MOSPD2: variants seen among roughly 807,000 people sequenced by gnomAD.
MOSPD2 encodes the protein motile sperm domain-containing protein 2.
In MOSPD2, 5 loss-of-function variants were observed where a neutral mutation model predicts 41.7. The observed-to-expected ratio is 0.12, with a 90% CI of 0.06 to 0.25. The LOEUF is 0.25. Among genes scored for constraint, MOSPD2 ranks in the 10% least tolerant of loss-of-function variants. The pLI is 1.00. For missense variants in MOSPD2, 282 were observed against 375.2 expected, an observed-to-expected ratio of 0.75 and a Z score of 2.05; for synonymous variants, 115 against 126.9, an observed-to-expected ratio of 0.91 and a Z score of 0.63.
chrX:14,886,517 A>G (rs961779474), intron 2 of MOSPD2, among the ~76,000 whole-genome samples: 1 of 108,192 alleles, frequency 9.2e-6, no homozygotes, highest in Non-Finnish European at 1.9e-5. Context: ...ACACATACAC[A>G]CACACACACA....
Position 14,922,115 on chromosome X carries a change from T to G in MOSPD2, c.*2306T>G, listed in dbSNP as rs1348012279. ...AATTTTGACTGGATTTAATAGCACT[T>G]TATTGTACAACTACAAAAAAAAATA... is the stretch of plus-strand genomic sequence containing the variant. On this transcript the variant is annotated 3_prime_UTR_variant, in exon 15 of 15. Coordinates refer to ENST00000380492, the MANE Select transcript of MOSPD2 (RefSeq NM_152581.4). 4.5e-5 allele frequency: 5 copies of G among 111,382 alleles called. No individual in the cohort carries two copies. The highest frequency in any genetic ancestry group is 1.9e-4 in the Admixed American group (2 of 10,453). The allele number at this position is 111,382 out of a possible 1,213,427, so 9.2% of individuals were successfully genotyped here. A position where few individuals can be genotyped will look rare whatever the true frequency, so the allele number is the denominator to read the frequency against.
At position 14,892,759 on chromosome X, in the gene MOSPD2, G is replaced by A; in HGVS notation, c.116G>A (p.Arg39Lys). The A allele has an allele frequency of 8.3e-7, 1 of 1,201,932 alleles. No homozygotes were observed. The highest frequency in any genetic ancestry group is 1.1e-6 in the Non-Finnish European group (1 of 887,368). Residue 39 changes from arginine to lysine, a missense_variant, in exon 3 of 15, where the codon AGG (arginine) becomes AAG (lysine). By Grantham distance (26) the Arg-to-Lys change is conservative (BLOSUM62 2). Around this residue, in one of 3 missense-constraint regions of MOSPD2, gnomAD observed 187 missense variants for 256.6 expected, o/e 0.73. Transcript: ENST00000380492. ...AAATATGATGCACGTGATGTTGAAAGGCTACAACAAGATGATAACTGGGTT... is the reference window on the plus strand; with the variant it reads ...AAATATGATGCACGTGATGTTGAAAAGCTACAACAAGATGATAACTGGGTT... The part of the protein sequence containing the change: ...SDKYDARDVE[R>K]LQQDDNWVES...
chrX:14,884,453 A>G (rs1359670396), intron 2 of MOSPD2, among the ~76,000 whole-genome samples: 1 of 111,595 alleles, frequency 9.0e-6, no homozygotes, highest in Non-Finnish European at 1.9e-5. Context: ...AAAGATAGAA[A>G]TAAAATGTTT....
At chrX:14,888,295 C>T (rs374191680) in intron 2 of MOSPD2, among the ~76,000 whole-genome samples, 7 of 109,577 alleles carry the variant, frequency 6.4e-5, no homozygotes, top group African/African-American at 2.3e-4. Flanking sequence ...GCTCTCTCCC[C>T]ACCCAAATCT....
chrX:14,911,216 T>C (rs773398671), intron 8 of MOSPD2, 21 bp from the exon 9 acceptor site: 3 of 1,164,183 alleles, frequency 2.6e-6, no homozygotes, highest in South Asian at 3.9e-5. Flanking sequence ...AGTAGGCTCA[T>C]GTGAAATTAT....
intron 2 of MOSPD2, among the ~76,000 whole-genome samples, chrX:14,886,150 T>C (rs1657257888): frequency 9.0e-6 from 1 of 111,322 alleles, no homozygotes; most frequent in African/African-American, 3.3e-5. Flanking sequence ...ACTATTATCC[T>C]ATTAGTTTTG....
At chrX:14,891,617 G>A (rs1417249543) in intron 2 of MOSPD2, among the ~76,000 whole-genome samples, 2 of 105,458 alleles carry the variant, frequency 1.9e-5, no homozygotes, top group Non-Finnish European at 3.9e-5. Flanking sequence ...CACCAGGCTG[G>A]AGTGCAGTGG....
intron 5 of MOSPD2, among the ~76,000 whole-genome samples, chrX:14,897,682 C>T (rs2092565434): frequency 8.9e-6 from 1 of 112,427 alleles, no homozygotes; most frequent in South Asian, 3.6e-4. Flanking sequence ...AAGATGTTCA[C>T]ATGAGTTTTG....
At chrX:14,874,035 A>T (rs2092513990) in intron 2 of MOSPD2, 1 of 375,374 alleles carries the variant, frequency 2.7e-6, no homozygotes, top group Non-Finnish European at 4.7e-6. Flanking sequence ...AACTTGCAGG[A>T]TACTTGTTAG....
At position 14,920,197 on chromosome X, in the gene MOSPD2, T is replaced by C; in HGVS notation, c.*388T>C. On this transcript the variant is annotated 3_prime_UTR_variant, in exon 15 of 15. Transcript: ENST00000380492. ...TGCAGCCAAAAAATGTAATCTGCTT[T>C]TTTATGACAGAATTATTATAGCTGA... 2.6e-6 allele frequency: 2 copies of C among 755,592 alleles called. No homozygotes were observed. Among genetic ancestry groups the C allele is most frequent in the Non-Finnish European group, 3.1e-6 (2 of 639,691 alleles). The allele number at this position is 755,592 out of a possible 1,213,427, so 62.3% of individuals were successfully genotyped here.
chrX:14,909,796 T>C (rs1031788690), intron 8 of MOSPD2, among the ~76,000 whole-genome samples: 2 of 111,737 alleles, frequency 1.8e-5, no homozygotes, highest in African/African-American at 3.2e-5. Flanking sequence ...CTTCTGTTTA[T>C]TGTCTTTGAT....
Position 14,888,206 on chromosome X carries a change from GCACACACACACACA to G in MOSPD2, c.80-4487_80-4474del, listed in dbSNP as rs775166629. ...ATTGGGAGAATATATACACACACAC[GCACACACACACACA>G]CACACACACACACACACACACACAC... On this transcript the variant is annotated intron_variant, in intron 2 of 14. Transcript: ENST00000380492. 7.7e-3 allele frequency among the ~76,000 whole-genome samples: 439 copies of G among 56,773 alleles called. 6 individuals are homozygous for G. Among genetic ancestry groups the G allele is most frequent in the South Asian group, 0.026 (31 of 1,173 alleles). The allele number at this position is 56,773 out of a possible 115,157, so 49.3% of individuals were successfully genotyped here.
At chrX:14,875,078 G>T (rs772027465) in intron 2 of MOSPD2, among the ~76,000 whole-genome samples, 1 of 112,009 alleles carries the variant, frequency 8.9e-6, no homozygotes, top group Admixed American at 9.4e-5. Flanking sequence ...GCAGAAATTA[G>T]GCAATAAACA....
In MOSPD2 at chrX:14,919,678, C is replaced by T; in HGVS notation, c.1426C>T (p.Arg476Cys). ...TSEDICLQLS[R>C]LLESNRKLED... ...TCCCCTCTTCCCTCTTCAGCTCAGT[C>T]GTTTACTAGAAAGCAATAGGAAGCT... Residue 476 changes from arginine to cysteine, a missense_variant, in exon 15 of 15, where the codon CGT becomes TGT. Physicochemically the swap from Arg to Cys is radical, Grantham distance 180. Transcript: ENST00000380492. 1 of 1,201,114 alleles carries T rather than the reference C, an allele frequency of 8.3e-7. No homozygotes were observed. Among genetic ancestry groups the T allele is most frequent in the African/African-American group, 1.7e-5 (1 of 57,465 alleles).
chrX:14,915,818 G>T lies in MOSPD2; in HGVS notation c.1186+54G>T, dbSNP rs1237813758. The T allele has an allele frequency of 1.0e-6, 1 of 994,343 alleles. No homozygotes were observed. The highest frequency in any genetic ancestry group is 1.4e-6 in the Non-Finnish European group (1 of 704,798). 81.9% of individuals were successfully genotyped at this position (994,343 alleles called of 1,213,427 possible). ...GTGTTGGGTGTGGTGGGGGTAAGGG[G>T]ACCTGGACCTTGGCTCTGAGTCAGC... On this transcript the variant is annotated intron_variant, in intron 12 of 14. Coordinates refer to ENST00000380492, the MANE Select transcript of MOSPD2 (RefSeq NM_152581.4).
At chrX:14,882,100 A>G (rs1054397882) in intron 2 of MOSPD2, among the ~76,000 whole-genome samples, 5 of 111,125 alleles carry the variant, frequency 4.5e-5, no homozygotes, top group Non-Finnish European at 7.5e-5. Context: ...AAAAAAGAAA[A>G]GAAAGAAAAT....
intron 2 of MOSPD2, among the ~76,000 whole-genome samples, chrX:14,877,532 C>T (rs976217107): frequency 1.2e-4 from 13 of 108,977 alleles, no homozygotes; most frequent in African/African-American, 3.7e-4. Context: ...AATAGAGATG[C>T]GGTTTCTCCA....
intron 13 of MOSPD2, among the ~76,000 whole-genome samples, chrX:14,918,116 G>A (rs1235430138): frequency 8.9e-6 from 1 of 112,099 alleles, no homozygotes; most frequent in Admixed American, 9.5e-5. Context: ...GGAATATTTT[G>A]AAAGGGTAAG....
intron 8 of MOSPD2, among the ~76,000 whole-genome samples, chrX:14,910,842 T>G (rs912327386): frequency 1.8e-5 from 2 of 111,309 alleles, no homozygotes; most frequent in East Asian, 2.8e-4. Context: ...AAAACTTTCT[T>G]ATGATTCAAA....
Sources: allele counts gnomAD v4.1 joint callset (sites outside exome capture counted in the v4.1 genomes callset), GRCh38; gene constraint gnomAD v4.1.1; regional missense constraint gnomAD v4.1.1; transcripts MANE v1.5; gene names NCBI Gene and HGNC (gene_info 2026-07-23, HGNC 2026-07-21).